SPRING1: variants seen among roughly 807,000 people sequenced by gnomAD.
SPRING1 encodes the protein SREBP regulating gene protein.
SPRING1 carries 14 observed loss-of-function variants against 24.7 expected under a neutral mutation model. The observed-to-expected ratio is 0.57, with a 90% CI of 0.37 to 0.88. The LOEUF (loss-of-function observed/expected upper bound fraction) is 0.88, where lower values mean the gene tolerates loss of function less well. Among genes scored for constraint, SPRING1 ranks in the 40% least tolerant of loss-of-function variants. The probability of loss-of-function intolerance (pLI) is 0.00; values close to 1 mark genes in which losing one functional copy is unlikely to be tolerated. For synonymous variants in SPRING1, 93 were observed against 106.1 expected (o/e 0.88, Z 0.76); for missense variants, 255 against 268.4 (o/e 0.95, Z 0.35).
At chr12:116,727,544 C>T (rs910672543) in intron 1 of SPRING1, among the ~76,000 whole-genome samples, 1 of 151,910 alleles carries the variant, frequency 6.6e-6, no homozygotes, top group African/African-American at 2.4e-5. Context: ...AGCACGGAAA[C>T]ATAAGGCACT....
intron 4 of SPRING1, among the ~76,000 whole-genome samples, chr12:116,719,053 G>A (rs1175709266): frequency 6.6e-6 from 1 of 152,316 alleles, no homozygotes; most frequent in African/African-American, 2.4e-5. Flanking sequence ...TAAAATCTTA[G>A]AGACACCATG....
At position 116,737,965 on chromosome 12, in the gene SPRING1, C is replaced by T. The variant is rs1871368197; in HGVS notation, c.-65G>A. On this transcript the variant is annotated 5_prime_UTR_variant, in exon 1 of 5. The change abolishes an upstream ATG in the 5' untranslated region. Transcript: ENST00000261318. ...CGCGGCAGGCCCGGGTCCCGGGCGG[C>T]ATGGCCCCTACGCGCCCGGCAGCCC... is the stretch of plus-strand genomic sequence containing the variant. 7.9e-7 allele frequency: 1 copy of T among 1,262,412 alleles called. No homozygotes were observed. Among genetic ancestry groups the T allele is most frequent in the Non-Finnish European group, 1.0e-6 (1 of 999,168 alleles). The allele number at this position is 1,262,412 out of a possible 1,614,324, so 78.2% of individuals were successfully genotyped here. A position where few individuals can be genotyped will look rare whatever the true frequency, so the allele number is the denominator to read the frequency against.
At chr12:116,725,932 A>G (rs1041259974) in intron 1 of SPRING1, among the ~76,000 whole-genome samples, 3 of 152,230 alleles carry the variant, frequency 2.0e-5, no homozygotes, top group African/African-American at 7.2e-5. Context: ...TATTCAAAAA[A>G]TTGTTTGAAA....
At chr12:116,726,369 A>T (rs1207942855) in intron 1 of SPRING1, among the ~76,000 whole-genome samples, 1 of 152,262 alleles carries the variant, frequency 6.6e-6, no homozygotes, top group Non-Finnish European at 1.5e-5. Context: ...TTTAAATAAC[A>T]GTGTTTACAA....
chr12:116,737,640 G>T, intron 1 of SPRING1, 150 bp downstream of exon 1: 1 of 880,504 alleles, frequency 1.1e-6, no homozygotes, highest in Non-Finnish European at 1.6e-6. Flanking sequence ...AGGAAGGAAG[G>T]GAAGGGGAGA....
At chr12:116,725,271 G>A (rs139822297) in intron 1 of SPRING1, among the ~76,000 whole-genome samples, 4 of 152,200 alleles carry the variant, frequency 2.6e-5, no homozygotes, top group South Asian at 2.1e-4. Context: ...ATTCCGTCCC[G>A]CCCGGGCTGT....
chr12:116,719,756 T>C lies in SPRING1; in HGVS notation c.534+7A>G. The C allele has an allele frequency of 6.2e-7, 1 of 1,611,502 alleles. No individual in the cohort carries two copies. Among genetic ancestry groups the C allele is most frequent in the Non-Finnish European group, 8.5e-7 (1 of 1,177,944 alleles). On this transcript the variant is annotated splice_region_variant and intron_variant, in intron 4 of 4. Coordinates refer to ENST00000261318, the MANE Select transcript of SPRING1 (RefSeq NM_024738.4). ...ATCCCACAGCTAGAGACATCACAGC[T>C]TCTGACCTGAGATGAGGTCCTGCAT...
chr12:116,717,878 T>C lies in SPRING1; in HGVS notation c.550A>G (p.Asn184Asp). Residue 184 changes from asparagine (N) to aspartate (D), a missense_variant, in exon 5 of 5, where the codon AAC (asparagine) becomes GAC (aspartate). Asn to Asp is a conservative substitution (Grantham distance 23). Coordinates refer to ENST00000261318, the MANE Select transcript of SPRING1 (RefSeq NM_024738.4). This position sits in a 1 kb window ranked among gnomAD's most constrained non-coding sequence, Gnocchi z 4.2. ...TTTGCTATGGGGTCCCGGTAGGTGT[T>C]CTCATGCTGCACGCTCTGTTGGCAA... ...RTSSQSVQHE[N>D]TYRDPIAKYC... 1 of 1,607,328 alleles carries C rather than the reference T, an allele frequency of 6.2e-7. No individual in the cohort carries two copies. Among genetic ancestry groups the C allele is most frequent in the Non-Finnish European group, 8.5e-7 (1 of 1,176,200 alleles).
At chr12:116,726,297 A>C (rs1592920057) in intron 1 of SPRING1, among the ~76,000 whole-genome samples, 1 of 152,246 alleles carries the variant, frequency 6.6e-6, no homozygotes, top group East Asian at 1.9e-4. Flanking sequence ...ACTTGTAGTA[A>C]AATGCTATGT....
At chr12:116,725,612 G>A (rs779723579) in intron 1 of SPRING1, among the ~76,000 whole-genome samples, 236 of 152,244 alleles carry the variant, frequency 1.6e-3, no homozygotes, top group Non-Finnish European at 2.7e-3. Context: ...CTGGCCGGGC[G>A]CCATGGCTCA....
In SPRING1 at chr12:116,712,533, G is replaced by C. The variant is rs1869917377; in HGVS notation, c.*5277C>G. ...TGCCCAACGAACGATAGACTAACAG[G>C]CCAGAGGCGGGGAAAGCTTCTCGGA... On this transcript the variant is annotated 3_prime_UTR_variant, in exon 5 of 5. Coordinates refer to ENST00000261318, the MANE Select transcript of SPRING1 (RefSeq NM_024738.4). The C allele has an allele frequency of 6.6e-6, 1 of 152,158 alleles. No individual in the cohort carries two copies. Among genetic ancestry groups the C allele is most frequent in the Non-Finnish European group, 1.5e-5 (1 of 68,030 alleles). 9.4% of individuals were successfully genotyped at this position (152,158 alleles called of 1,614,324 possible).
At chr12:116,730,646 A>T (rs977279742) in intron 1 of SPRING1, among the ~76,000 whole-genome samples, 5 of 152,242 alleles carry the variant, frequency 3.3e-5, no homozygotes, top group African/African-American at 7.2e-5. Context: ...AATTTTTCAT[A>T]AACTGTTCAG....
In SPRING1 at chr12:116,716,332, A is replaced by C. The variant is rs910000065; in HGVS notation, c.*1478T>G. ...ATTGCAGGAATGTATTAGAAGGCAA[A>C]TATGGCCCAAAGAAAAAGCTCCACT... On this transcript the variant is annotated 3_prime_UTR_variant, in exon 5 of 5. Transcript: ENST00000261318. 6.6e-6 allele frequency: 1 copy of C among 152,226 alleles called. No individual in the cohort carries two copies. The highest frequency in any genetic ancestry group is 2.4e-5 in the African/African-American group (1 of 41,446). 9.4% of individuals were successfully genotyped at this position (152,226 alleles called of 1,614,324 possible). A position where few individuals can be genotyped will look rare whatever the true frequency, so the allele number is the denominator to read the frequency against.
intron 1 of SPRING1, among the ~76,000 whole-genome samples, chr12:116,725,041 TATG>T (rs1229630804): frequency 2.6e-5 from 4 of 152,350 alleles, no homozygotes; most frequent in South Asian, 2.1e-4. Flanking sequence ...TGATAATAAT[TATG>T]ATAATATGCA....
chr12:116,725,960 T>TAAAGGCAA lies in SPRING1; in HGVS notation c.112-2745_112-2738dup, dbSNP rs1870670297. On this transcript the variant is annotated intron_variant, in intron 1 of 4. Transcript: ENST00000261318. Reference sequence around the variant, plus strand: ...GTTTGAAAAACACGATTACCAACATTAAAGGCAAAAATTGTCCATAATCCC... The same window carrying TAAAGGCAA: ...GTTTGAAAAACACGATTACCAACATTAAAGGCAAAAAGGCAAAAATTGTCCATAATCCC... Among the ~76,000 whole-genome samples, 3 of 152,206 alleles carry TAAAGGCAA rather than the reference T, an allele frequency of 2.0e-5. No homozygotes were observed. The South Asian group carries it at 6.2e-4, about 32-fold the overall frequency.
At chr12:116,722,980 G>C in intron 2 of SPRING1, 87 bp downstream of exon 2, 1 of 1,518,170 alleles carries the variant, frequency 6.6e-7, no homozygotes, top group Non-Finnish European at 9.0e-7. Flanking sequence ...GTGTTGCAGA[G>C]GAATCCCTAT....
At chr12:116,719,700 T>C in intron 4 of SPRING1, 63 bp downstream of exon 4, 1 of 1,384,230 alleles carries the variant, frequency 7.2e-7, no homozygotes, top group Admixed American at 1.7e-5. Context: ...CAGTGTGTAT[T>C]TTCTAGTTTC....
At position 116,717,956 on chromosome 12, in the gene SPRING1, CG is replaced by C. The variant is rs1870242432; in HGVS notation, c.535-64del. ...AGCACAGCTTCACACACCTCCCTCT[CG>C]GAAGAGTGAGAGTGGATCGGGACTG... On this transcript the variant is annotated intron_variant, in intron 4 of 4. Transcript: ENST00000261318. This position sits in a 1 kb window ranked among gnomAD's most constrained non-coding sequence, Gnocchi z 4.2. 7.5e-7 allele frequency: 1 copy of C among 1,341,742 alleles called. No homozygotes were observed. Among genetic ancestry groups the C allele is most frequent in the South Asian group, 1.4e-5 (1 of 70,396 alleles). 83.1% of individuals were successfully genotyped at this position (1,341,742 alleles called of 1,614,324 possible). A position where few individuals can be genotyped will look rare whatever the true frequency, so the allele number is the denominator to read the frequency against.
Position 116,716,346 on chromosome 12 carries a change from A to T in SPRING1, c.*1464T>A, listed in dbSNP as rs1373927241. ...TTAGAAGGCAAATATGGCCCAAAGA[A>T]AAAGCTCCACTGAAAAAAACATTGA... On this transcript the variant is annotated 3_prime_UTR_variant, in exon 5 of 5. Transcript: ENST00000261318. 6.6e-6 allele frequency: 1 copy of T among 152,236 alleles called. No homozygotes were observed. Among genetic ancestry groups the T allele is most frequent in the Non-Finnish European group, 1.5e-5 (1 of 68,052 alleles). The allele number at this position is 152,236 out of a possible 1,614,324, so 9.4% of individuals were successfully genotyped here.
Sources: gnomAD v4.1 joint callset for allele counts (sites outside exome capture counted in the v4.1 genomes callset) on GRCh38, gnomAD v4.1.1 for gene constraint, Gnocchi (gnomAD v3.1) non-coding constraint, MANE v1.5 for transcripts, NCBI Gene and HGNC (gene_info 2026-07-23, HGNC 2026-07-21) for gene names.